The following KLHL1 variants were observed in gnomAD, a reference collection of about 807,000 sequenced individuals.
KLHL1 encodes kelch like family member 1, also known as kelch-like protein 1.
A neutral mutation model predicts 77.7 loss-of-function variants in KLHL1; 47 were observed. The observed-to-expected ratio is 0.60, with a 90% CI of 0.48 to 0.77. The LOEUF is 0.77. KLHL1 is among the 30% of genes least tolerant of loss of function. The pLI is 0.00. For missense variants in KLHL1, 925 were observed against 910.8 expected, an observed-to-expected ratio of 1.02 and a Z score of -0.20; for synonymous variants, 360 against 325.2, an observed-to-expected ratio of 1.11 and a Z score of -1.15.
At chr13:69,875,721 G>A (rs948009524) in intron 5 of KLHL1, among the ~76,000 whole-genome samples, 1 of 151,930 alleles carries the variant, frequency 6.6e-6, no homozygotes, top group Non-Finnish European at 1.5e-5. Context: ...GTCACAGGAG[G>A]GCTAAATGAT....
chr13:69,934,862 A>G (rs1418391669), intron 4 of KLHL1, among the ~76,000 whole-genome samples: 1 of 151,206 alleles, frequency 6.6e-6, no homozygotes, highest in Non-Finnish European at 1.5e-5. Flanking sequence ...CAATTCATAT[A>G]AACATCATTT....
intron 1 of KLHL1, among the ~76,000 whole-genome samples, chr13:70,095,613 T>A (rs1015395027): frequency 6.6e-6 from 1 of 152,158 alleles, no homozygotes; most frequent in East Asian, 1.9e-4. Flanking sequence ...AAGCATATAA[T>A]ATGTAATGAT....
At chr13:69,881,715 C>T (rs999594398) in intron 5 of KLHL1, among the ~76,000 whole-genome samples, 5 of 152,104 alleles carry the variant, frequency 3.3e-5, no homozygotes, top group Non-Finnish European at 7.3e-5. Context: ...GTTAAGTTGG[C>T]TCACTTGGTG....
intron 7 of KLHL1, among the ~76,000 whole-genome samples, chr13:69,765,412 C>T (rs1875251687): frequency 6.6e-6 from 1 of 152,104 alleles, no homozygotes; most frequent in South Asian, 2.1e-4. Context: ...CCATCCTTTG[C>T]TTTGCTATCA....
At chr13:69,816,834 T>G (rs990242575) in intron 6 of KLHL1, among the ~76,000 whole-genome samples, 1 of 152,102 alleles carries the variant, frequency 6.6e-6, no homozygotes, top group African/African-American at 2.4e-5. Context: ...GGCACATGCC[T>G]GCAGTCCCAG....
chr13:69,983,601 G>GAAA (rs1884778085), intron 1 of KLHL1, among the ~76,000 whole-genome samples: 1 of 105,192 alleles, frequency 9.5e-6, no homozygotes, highest in African/African-American at 5.4e-5. Flanking sequence ...AGAAGAAGAA[G>GAAA]AAGAGAAAAA....
At position 70,033,500 on chromosome 13, in the gene KLHL1, G is replaced by C. The variant is rs183161834; in HGVS notation, c.498-57698C>G. On this transcript the variant is annotated intron_variant, in intron 1 of 10. Coordinates refer to ENST00000377844, the MANE Select transcript of KLHL1 (RefSeq NM_020866.3). ...TTTTTTGTATTTTTAGTAGAGATGG[G>C]GTTTCACTGTGTTAGCCAGGATGGT... Among the ~76,000 whole-genome samples the C allele has an allele frequency of 8.7e-3, 1,311 of 151,324 alleles. 18 individuals are homozygous for C. Among genetic ancestry groups the C allele is most frequent in the African/African-American group, 0.03 (1,232 of 41,228 alleles).
At chr13:70,073,986 C>T (rs1390612668) in intron 1 of KLHL1, among the ~76,000 whole-genome samples, 4 of 151,840 alleles carry the variant, frequency 2.6e-5, no homozygotes, top group African/African-American at 7.3e-5. Context: ...AAACCACACC[C>T]GGCTAATTTT....
At chr13:69,920,141 T>C (rs1339931801) in intron 4 of KLHL1, among the ~76,000 whole-genome samples, 1 of 152,124 alleles carries the variant, frequency 6.6e-6, no homozygotes, top group Non-Finnish European at 1.5e-5. Context: ...TAAAATTTGT[T>C]TGTTTTTGGC....
intron 7 of KLHL1, among the ~76,000 whole-genome samples, chr13:69,785,681 G>C (rs1374023105): frequency 1.3e-5 from 2 of 150,564 alleles, no homozygotes; most frequent in East Asian, 1.9e-4. Context: ...AGGAAATAGA[G>C]ACACAAAAAA....
At chr13:69,813,331 G>C (rs535556541) in intron 6 of KLHL1, among the ~76,000 whole-genome samples, 89 of 151,960 alleles carry the variant, frequency 5.9e-4, no homozygotes, top group Non-Finnish European at 8.1e-4. Context: ...TTGTGGGGTG[G>C]GGGGAGAGGG....
At chr13:69,916,600 G>A in intron 4 of KLHL1, among the ~76,000 whole-genome samples, 1 of 151,968 alleles carries the variant, frequency 6.6e-6, no homozygotes, top group East Asian at 1.9e-4. Context: ...TGGAGTGGGG[G>A]GAAGGGGGAG....
At chr13:69,754,394 A>T (rs1055255476) in intron 7 of KLHL1, among the ~76,000 whole-genome samples, 6 of 152,188 alleles carry the variant, frequency 3.9e-5, no homozygotes, top group African/African-American at 1.2e-4. Flanking sequence ...GGACAAGGAC[A>T]TATCCTTTTT....
chr13:69,943,427 G>A (rs1566429075), intron 3 of KLHL1, among the ~76,000 whole-genome samples: 2 of 148,874 alleles, frequency 1.3e-5, no homozygotes, highest in Non-Finnish European at 2.9e-5. Context: ...GGAAAAAGAA[G>A]AGCAGATACA....
chr13:69,760,419 G>C (rs923834386), intron 7 of KLHL1, among the ~76,000 whole-genome samples: 18 of 151,978 alleles, frequency 1.2e-4, no homozygotes, highest in African/African-American at 4.4e-4. Flanking sequence ...GCAAGAGCAT[G>C]ATCTCAGCTC....
rs552912318 is a variant in KLHL1, at chr13:69,722,685, TCATA to T, written c.1803-3108_1803-3105del. On this transcript the variant is annotated intron_variant, in intron 8 of 10. Coordinates refer to ENST00000377844, the MANE Select transcript of KLHL1 (RefSeq NM_020866.3). Reference sequence around the variant, plus strand: ...GATGAGGATGTGAAAAAGGAGAAACTCATACATTGTTTATGGCAATGTAAATTAG... The same window carrying T: ...GATGAGGATGTGAAAAAGGAGAAACTCATTGTTTATGGCAATGTAAATTAG... Among the ~76,000 whole-genome samples the T allele has an allele frequency of 2.1e-3, 324 of 151,996 alleles. 2 individuals are homozygous for T. Among genetic ancestry groups the T allele is most frequent in the African/African-American group, 7.7e-3 (319 of 41,486 alleles).
At chr13:70,073,498 G>A (rs1887185677) in intron 1 of KLHL1, among the ~76,000 whole-genome samples, 1 of 151,974 alleles carries the variant, frequency 6.6e-6, no homozygotes, top group Non-Finnish European at 1.5e-5. Context: ...CATGTCACAT[G>A]TGTACATATG....
intron 6 of KLHL1, among the ~76,000 whole-genome samples, chr13:69,828,954 C>A (rs190542877): frequency 6.6e-6 from 1 of 150,484 alleles, no homozygotes; most frequent in Non-Finnish European, 1.5e-5. Context: ...ACCCACCAAG[C>A]CTTTCTCTAC....
chr13:69,711,653 G>A (rs562190440), intron 9 of KLHL1, among the ~76,000 whole-genome samples: 71 of 152,044 alleles, frequency 4.7e-4, no homozygotes, highest in Admixed American at 1.3e-3. Context: ...CTGCATAACG[G>A]TAATAATGTT....
Sources: gnomAD v4.1 joint callset for allele counts (sites outside exome capture counted in the v4.1 genomes callset) on GRCh38, gnomAD v4.1.1 for gene constraint, MANE v1.5 for transcripts, NCBI Gene and HGNC (gene_info 2026-07-23, HGNC 2026-07-21) for gene names.